Variants in NDRG3 observed in about 807,000 individuals in gnomAD.
NDRG3 encodes the protein protein NDRG3.
A neutral mutation model predicts 57.2 loss-of-function variants in NDRG3; 23 were observed. The ratio of observed to expected loss-of-function variants is 0.40; its 90% CI spans 0.29 to 0.57. The LOEUF is 0.57. Among genes scored for constraint, NDRG3 ranks in the 20% least tolerant of loss-of-function variants. The probability of loss-of-function intolerance (pLI) is 0.42; values close to 1 mark genes in which losing one functional copy is unlikely to be tolerated. For synonymous variants in NDRG3, 132 were observed against 162.6 expected (o/e 0.81, Z 1.43); for missense variants, 384 against 457.3 (o/e 0.84, Z 1.46).
At chr20:36,727,085 T>C (rs1001907312) in intron 1 of NDRG3, among the ~76,000 whole-genome samples, 6 of 151,522 alleles carry the variant, frequency 4.0e-5, no homozygotes, top group African/African-American at 1.5e-4. Flanking sequence ...CCCAGCTAAT[T>C]TTTGTATTTT....
At chr20:36,656,302 G>GA in intron 15 of NDRG3, 58 bp downstream of exon 15, 22 of 1,559,032 alleles carry the variant, frequency 1.4e-5, no homozygotes, top group Non-Finnish European at 1.9e-5. Flanking sequence ...TCCCAGATGT[G>GA]AAACTGGCTC....
chr20:36,669,489 C>G (rs1979952134), intron 9 of NDRG3, among the ~76,000 whole-genome samples: 2 of 151,846 alleles, frequency 1.3e-5, no homozygotes, highest in South Asian at 4.2e-4. Flanking sequence ...CTCGGCCTCC[C>G]AAAGTGCTGG....
chr20:36,724,901 C>T lies in NDRG3; in HGVS notation c.-48-3118G>A, dbSNP rs144201749. ...CCAAGATCTGTCAACTGTACTCCAG[C>T]CTGGGCAACAGAACAAGACTCTGTC... On this transcript the variant is annotated intron_variant, in intron 1 of 15. Coordinates refer to ENST00000349004, the MANE Select transcript of NDRG3 (RefSeq NM_032013.4). 1.8e-3 allele frequency among the ~76,000 whole-genome samples: 281 copies of T among 152,262 alleles called. 2 individuals are homozygous for T. The highest frequency in any genetic ancestry group is 6.4e-3 in the African/African-American group (264 of 41,544).
At chr20:36,703,097 C>T (rs1293788010) in intron 3 of NDRG3, among the ~76,000 whole-genome samples, 2 of 151,956 alleles carry the variant, frequency 1.3e-5, no homozygotes, top group Non-Finnish European at 2.9e-5. Flanking sequence ...TATTTTTATG[C>T]TTTTCTAAGT....
intron 1 of NDRG3, among the ~76,000 whole-genome samples, chr20:36,739,931 A>C (rs1378972027): frequency 1.3e-5 from 2 of 151,070 alleles, no homozygotes; most frequent in Admixed American, 6.6e-5. Context: ...AAAAAAAAAA[A>C]ACCGTAAACC....
At chr20:36,663,192 C>A (rs1979349290) in intron 12 of NDRG3, among the ~76,000 whole-genome samples, 1 of 152,152 alleles carries the variant, frequency 6.6e-6, no homozygotes, top group Admixed American at 6.5e-5. Context: ...GGGTTATTGG[C>A]CTCTATGTGC....
chr20:36,689,973 G>A (rs557183007), intron 3 of NDRG3, among the ~76,000 whole-genome samples: 109 of 152,042 alleles, frequency 7.2e-4, no homozygotes, highest in Middle Eastern at 3.4e-3. Flanking sequence ...ACCCACCTCC[G>A]CCTCCCAAAG....
chr20:36,721,521 C>T (rs1033721613), intron 2 of NDRG3, among the ~76,000 whole-genome samples, 158 bp downstream of exon 2: 3 of 151,142 alleles, frequency 2.0e-5, no homozygotes, highest in Non-Finnish European at 4.4e-5. Flanking sequence ...GAGTGAGACA[C>T]CGTCTCAAAA....
At chr20:36,665,399 G>A (rs1568625704) in intron 10 of NDRG3, 98 bp from the exon 11 acceptor site, 2 of 1,081,488 alleles carry the variant, frequency 1.8e-6, no homozygotes, top group Non-Finnish European at 2.8e-6. Flanking sequence ...CAAGGAATGC[G>A]AAACTATCTT....
chr20:36,732,119 T>C (rs988860233), intron 1 of NDRG3, among the ~76,000 whole-genome samples: 2 of 152,084 alleles, frequency 1.3e-5, no homozygotes, highest in Non-Finnish European at 2.9e-5. Flanking sequence ...AGACCCTGTC[T>C]CAAACTAAAT....
rs962545570 is a variant in NDRG3, at chr20:36,688,573, C to G, written c.199+106G>C. On this transcript the variant is annotated intron_variant, in intron 4 of 15. Coordinates refer to ENST00000349004, the MANE Select transcript of NDRG3 (RefSeq NM_032013.4). ...TAGGAACAAGGAGGGAAAGTTACCA[C>G]AGAGAGGGGGAAACCTCTGCTCTAT... is the stretch of plus-strand genomic sequence containing the variant. The G allele has an allele frequency of 2.4e-5, 20 of 826,414 alleles. No individual in the cohort carries two copies. In the African/African-American group the frequency reaches 3.1e-4, roughly 13 times the overall value. 51.2% of individuals were successfully genotyped at this position (826,414 alleles called of 1,614,324 possible). A position where few individuals can be genotyped will look rare whatever the true frequency, so the allele number is the denominator to read the frequency against.
intron 3 of NDRG3, among the ~76,000 whole-genome samples, chr20:36,692,186 A>G (rs1361540243): frequency 6.6e-6 from 1 of 152,218 alleles, no homozygotes; most frequent in African/African-American, 2.4e-5. Flanking sequence ...CAGGATGCAG[A>G]GAAATAACTA....
chr20:36,724,728 G>C, intron 1 of NDRG3, among the ~76,000 whole-genome samples: 1 of 152,006 alleles, frequency 6.6e-6, no homozygotes, highest in African/African-American at 2.4e-5. Context: ...AGGAGTTCGA[G>C]ACCAGCCTGG....
chr20:36,704,162 C>T (rs1439197918), intron 3 of NDRG3, among the ~76,000 whole-genome samples: 6 of 152,020 alleles, frequency 3.9e-5, no homozygotes, highest in African/African-American at 1.2e-4. Context: ...CTGCAGCCTC[C>T]GCCTTCTGGA....
chr20:36,656,302 G>A (rs1443146937), intron 15 of NDRG3, 58 bp downstream of exon 15: 1 of 1,558,912 alleles, frequency 6.4e-7, no homozygotes, highest in Non-Finnish European at 8.8e-7. Context: ...TCCCAGATGT[G>A]AAACTGGCTC....
rs577607789 is a variant in NDRG3, at chr20:36,663,041, G to T, written c.810+2005C>A. On this transcript the variant is annotated intron_variant, in intron 12 of 15. Transcript: ENST00000349004. The stretch of plus-strand genomic sequence containing the variant: ...TAAGTATATATGTTCATTTAAAAAT[G>T]CTTTTGACAGTTTGGCAGCATGTAT... Among the ~76,000 whole-genome samples the T allele has an allele frequency of 1.2e-4, 19 of 152,262 alleles. No homozygotes were observed. In the East Asian group the frequency reaches 3.7e-3, roughly 29 times the overall value.
intron 5 of NDRG3, among the ~76,000 whole-genome samples, chr20:36,686,625 G>A (rs746832015): frequency 3.9e-4 from 60 of 152,180 alleles, no homozygotes; most frequent in Non-Finnish European, 3.7e-4. Context: ...GAACAAACAG[G>A]TAGGGAGCCT....
intron 3 of NDRG3, chr20:36,700,348 T>C (rs1326506909): frequency 7.3e-6 from 3 of 410,046 alleles, no homozygotes; most frequent in African/African-American, 2.1e-5. Context: ...CCCCTAGTTG[T>C]CAATGTCTCA....
chr20:36,700,113 CAAAAAAA>C (rs1294581784), intron 3 of NDRG3, among the ~76,000 whole-genome samples: 2 of 47,106 alleles, frequency 4.2e-5, no homozygotes, highest in South Asian at 7.4e-4. Context: ...CAATCAGTCT[CAAAAAAA>C]AAAAAAAAAA....
Sources: gnomAD v4.1 joint callset for allele counts (sites outside exome capture counted in the v4.1 genomes callset) on GRCh38, gnomAD v4.1.1 for gene constraint, MANE v1.5 for transcripts, NCBI Gene and HGNC (gene_info 2026-07-23, HGNC 2026-07-21) for gene names.